The following E2F7 variants were observed in gnomAD, a reference collection of about 807,000 sequenced individuals.
The protein encoded by E2F7 is E2F transcription factor 7.
E2F7 carries 35 observed loss-of-function variants against 81.1 expected under a neutral mutation model. That is an observed-to-expected ratio of 0.43 (90% CI 0.33 to 0.57). The LOEUF is 0.57. Ranked by LOEUF, E2F7 falls within the 20% of genes least tolerant of loss-of-function variation. The pLI is 0.04. For missense variants in E2F7, 961 were observed against 1,093.7 expected (o/e 0.88, Z 1.71); for synonymous variants, 416 against 416.2 (o/e 1.00, Z 0.01).
chr12:77,031,503 T>C (rs370465741), intron 9 of E2F7, among the ~76,000 whole-genome samples: 167 of 152,164 alleles, frequency 1.1e-3, no homozygotes, highest in African/African-American at 3.6e-3. Flanking sequence ...TAGCTGGGCA[T>C]GGTGGCACAC....
In E2F7 at chr12:77,028,338, G is replaced by T. The variant is rs143694460; in HGVS notation, c.1885-200C>A. Among the ~76,000 whole-genome samples the T allele has an allele frequency of 5.5e-4, 83 of 152,102 alleles. 1 individual carries two copies. The highest frequency in any genetic ancestry group is 2.0e-3 in the African/African-American group (82 of 41,486). On this transcript the variant is annotated intron_variant, in intron 10 of 12. Transcript: ENST00000322886. ...CTCCCGAGTAGCTGGGATTACAGGGGCATCCCCCATGCCTGGCTAATTTTT... is the reference window on the plus strand; with the variant it reads ...CTCCCGAGTAGCTGGGATTACAGGGTCATCCCCCATGCCTGGCTAATTTTT...
chr12:77,029,148 A>G (rs1443257255), intron 10 of E2F7, among the ~76,000 whole-genome samples: 1 of 152,222 alleles, frequency 6.6e-6, no homozygotes, highest in South Asian at 2.1e-4. Flanking sequence ...CAGGCTATCT[A>G]CAAAATGAGA....
At chr12:77,034,224 C>CT (rs144053051) in intron 7 of E2F7, among the ~76,000 whole-genome samples, 182 bp from the exon 8 acceptor site, 11,738 of 149,408 alleles carry the variant, frequency 0.079, 587 homozygotes, top group Non-Finnish European at 0.11. Flanking sequence ...TTTCAATGTA[C>CT]TTTTTTTTTT....
chr12:77,046,882 A>G lies in E2F7; in HGVS notation c.539-554T>C, dbSNP rs139379129. Among the ~76,000 whole-genome samples the G allele has an allele frequency of 5.4e-3, 815 of 152,308 alleles. 30 individuals carry two copies. Among genetic ancestry groups the G allele is most frequent in the Admixed American group, 0.048 (732 of 15,298 alleles). On this transcript the variant is annotated intron_variant, in intron 4 of 12. Transcript: ENST00000322886. ...ACCAGTAAGGAAAATGGATGCAAAT[A>G]TTATGTTTTCTATTTTGAACTGGAA...
chr12:77,025,446 G>A (rs1954749332), intron 12 of E2F7, 112 bp downstream of exon 12: 6 of 1,241,844 alleles, frequency 4.8e-6, no homozygotes, highest in East Asian at 2.3e-5. Context: ...CGGAAGCCAG[G>A]TGGAGCCTGA....
rs1303161763 is a variant in E2F7, at chr12:77,021,366, C to T, written c.*2649G>A. The T allele has an allele frequency of 6.6e-6, 1 of 152,334 alleles. No individual in the cohort carries two copies. The highest frequency in any genetic ancestry group is 1.5e-5 in the Non-Finnish European group (1 of 67,974). The allele number at this position is 152,334 out of a possible 1,614,324, so 9.4% of individuals were successfully genotyped here. ...ATGTAGTACAGTTACAAGTAAATAG[C>T]TATAGATAATATAGCCATTAGGAAA... On this transcript the variant is annotated 3_prime_UTR_variant, in exon 13 of 13. Transcript: ENST00000322886.
chr12:77,032,808 C>T (rs910847654), intron 9 of E2F7, among the ~76,000 whole-genome samples: 2 of 152,106 alleles, frequency 1.3e-5, no homozygotes, highest in African/African-American at 2.4e-5. Context: ...GTCTCTTTTC[C>T]GTGTTGGTCT....
At chr12:77,032,508 C>T (rs895476205) in intron 9 of E2F7, among the ~76,000 whole-genome samples, 1 of 152,120 alleles carries the variant, frequency 6.6e-6, no homozygotes, top group African/African-American at 2.4e-5. Context: ...AAAATTGGGC[C>T]CCAAATTTAA....
chr12:77,033,095 C>T lies in E2F7; in HGVS notation c.1337G>A (p.Gly446Glu), dbSNP rs1954819325. 1.2e-6 allele frequency: 2 copies of T among 1,613,830 alleles called. No homozygotes were observed. The highest frequency in any genetic ancestry group is 1.7e-6 in the Non-Finnish European group (2 of 1,179,942). Residue 446 changes from glycine to glutamate, a missense_variant, in exon 9 of 13, where the codon GGA (glycine) becomes GAA (glutamate). Coordinates refer to ENST00000322886, the MANE Select transcript of E2F7 (RefSeq NM_203394.3). The stretch of plus-strand genomic sequence containing the variant: ...CTGTCTATAGACAGCTGCCAGGCTT[C>T]CAATTTCTAAAGAGTAGCCACCTGA... ...QGSGGYSLEI[G>E]SLAAVYRQKI...
intron 2 of E2F7, among the ~76,000 whole-genome samples, chr12:77,057,026 A>T (rs1373482244): frequency 6.6e-6 from 1 of 151,808 alleles, no homozygotes; most frequent in Non-Finnish European, 1.5e-5. Context: ...AGCTGGGACC[A>T]CAGACATGCA....
chr12:77,048,526 A>G (rs747029879), intron 4 of E2F7, among the ~76,000 whole-genome samples: 12 of 152,176 alleles, frequency 7.9e-5, no homozygotes, highest in Non-Finnish European at 1.6e-4. Context: ...GGAATCTGGA[A>G]AACAATGCAA....
chr12:77,063,694 C>G (rs1236906080), intron 2 of E2F7, among the ~76,000 whole-genome samples: 2 of 152,152 alleles, frequency 1.3e-5, no homozygotes, highest in Non-Finnish European at 2.9e-5. Context: ...AATTTCGCAT[C>G]TATCCTAAAT....
chr12:77,026,122 C>T, intron 11 of E2F7, 140 bp from the exon 12 acceptor site: 1 of 936,964 alleles, frequency 1.1e-6, no homozygotes, highest in Non-Finnish European at 1.5e-6. Context: ...GCTGACCAGG[C>T]CAAACAGCCC....
rs76817094 is a variant in E2F7, at chr12:77,044,457, G to A, written c.988+180C>T. 1,067 of 702,876 alleles carry A rather than the reference G, an allele frequency of 1.5e-3. 9 individuals are homozygous for A. The highest frequency in any genetic ancestry group is 1.0e-3 in the Non-Finnish European group (440 of 429,238). The allele number at this position is 702,876 out of a possible 1,614,324, so 43.5% of individuals were successfully genotyped here. A position where few individuals can be genotyped will look rare whatever the true frequency, so the allele number is the denominator to read the frequency against. ...GGAAAAGGCACTGACAGGACTCTAA[G>A]CTGAATTCTAGTAGGTGACTAACTT... On this transcript the variant is annotated intron_variant, in intron 6 of 12. Coordinates refer to ENST00000322886, the MANE Select transcript of E2F7 (RefSeq NM_203394.3).
chr12:77,030,082 G>C lies in E2F7; in HGVS notation c.1633C>G (p.Pro545Ala). Residue 545 changes from proline (P) to alanine (A), a missense_variant, in exon 10 of 13, where the codon CCT becomes GCT. Pro to Ala is a conservative substitution (Grantham distance 27). Transcript: ENST00000322886. ...GAGGCAGAGGGCACATACACTAGAGGCTGGCCAGCAAGGAGTGCTGGCTTC... is the reference window on the plus strand; with the variant it reads ...GAGGCAGAGGGCACATACACTAGAGCCTGGCCAGCAAGGAGTGCTGGCTTC... ...SLKPALLAGQPLVYVPSASLF... is the reference protein window; with the variant it reads ...SLKPALLAGQALVYVPSASLF... 6.2e-7 allele frequency: 1 copy of C among 1,614,168 alleles called. No individual in the cohort carries two copies. The highest frequency in any genetic ancestry group is 8.5e-7 in the Non-Finnish European group (1 of 1,180,038).
At position 77,023,648 on chromosome 12, in the gene E2F7, C is replaced by A; in HGVS notation, c.*367G>T. 6.0e-6 allele frequency: 1 copy of A among 165,496 alleles called. No homozygotes were observed. The highest frequency in any genetic ancestry group is 1.3e-5 in the Non-Finnish European group (1 of 76,772). The allele number at this position is 165,496 out of a possible 1,614,324, so 10.3% of individuals were successfully genotyped here. A position where few individuals can be genotyped will look rare whatever the true frequency, so the allele number is the denominator to read the frequency against. On this transcript the variant is annotated 3_prime_UTR_variant, in exon 13 of 13. Coordinates refer to ENST00000322886, the MANE Select transcript of E2F7 (RefSeq NM_203394.3). ...TCTCTCACCACAGATTTACTCAGGG[C>A]AAGTGGAAATACATGTTAAGAATGC... is the stretch of plus-strand genomic sequence containing the variant.
intron 3 of E2F7, among the ~76,000 whole-genome samples, 171 bp downstream of exon 3, chr12:77,055,684 C>A (rs1468543880): frequency 6.6e-6 from 1 of 152,074 alleles, no homozygotes; most frequent in African/African-American, 2.4e-5. Context: ...AGAAAGCATT[C>A]ATTATGAAAA....
At chr12:77,034,842 G>A (rs1310276174) in intron 7 of E2F7, among the ~76,000 whole-genome samples, 5 of 152,120 alleles carry the variant, frequency 3.3e-5, no homozygotes, top group African/African-American at 9.7e-5. Flanking sequence ...TAAAACATGC[G>A]CTTTCACATT....
At chr12:77,036,041 G>A (rs1014938230) in intron 7 of E2F7, among the ~76,000 whole-genome samples, 14 of 58,088 alleles carry the variant, frequency 2.4e-4, no homozygotes, top group Non-Finnish European at 3.5e-4. Context: ...GCAAACTGTG[G>A]GACAACTTTA....
Sources: allele counts gnomAD v4.1 joint callset (sites outside exome capture counted in the v4.1 genomes callset), GRCh38; gene constraint gnomAD v4.1.1; transcripts MANE v1.5; gene names NCBI Gene and HGNC (gene_info 2026-07-23, HGNC 2026-07-21).